The following NKAIN2 variants were observed in gnomAD, a reference collection of about 807,000 sequenced individuals.
The protein encoded by NKAIN2 is sodium/potassium-transporting ATPase subunit beta-1-interacting protein 2.
In NKAIN2, 14 loss-of-function variants were observed where a neutral mutation model predicts 32.6. The observed-to-expected ratio is 0.43, with a 90% CI of 0.28 to 0.67. The LOEUF (loss-of-function observed/expected upper bound fraction) is 0.67. NKAIN2 is among the 30% of genes least tolerant of loss of function. NKAIN2 has a pLI of 0.17. For missense variants in NKAIN2, 198 were observed against 258.3 expected, an observed-to-expected ratio of 0.77 and a Z score of 1.60; for synonymous variants, 80 against 87.2, an observed-to-expected ratio of 0.92 and a Z score of 0.46.
At chr6:123,916,059 G>A (rs1775477813) in intron 1 of NKAIN2, among the ~76,000 whole-genome samples, 1 of 152,120 alleles carries the variant, frequency 6.6e-6, no homozygotes, top group Non-Finnish European at 1.5e-5. Context: ...GGGGCAGAGA[G>A]TATGGATGAT....
At chr6:124,136,505 A>G (rs145683681) in intron 1 of NKAIN2, among the ~76,000 whole-genome samples, 164 of 152,256 alleles carry the variant, frequency 1.1e-3, no homozygotes, top group African/African-American at 3.8e-3. Context: ...AAATCACTCT[A>G]TGAAGCCAGT....
intron 4 of NKAIN2, among the ~76,000 whole-genome samples, chr6:124,668,833 A>G (rs1012209936): frequency 1.3e-5 from 2 of 152,178 alleles, no homozygotes; most frequent in Admixed American, 1.3e-4. Flanking sequence ...AAGCTTGATA[A>G]TAAAAATATA....
intron 4 of NKAIN2, among the ~76,000 whole-genome samples, chr6:124,715,937 A>C (rs1198836652): frequency 6.6e-6 from 1 of 152,212 alleles, no homozygotes; most frequent in Non-Finnish European, 1.5e-5. Context: ...TCACTCCAGA[A>C]TAAGAACAAT....
intron 1 of NKAIN2, among the ~76,000 whole-genome samples, chr6:124,192,120 C>T (rs1790052054): frequency 1.3e-5 from 2 of 152,012 alleles, no homozygotes; most frequent in African/African-American, 4.8e-5. Flanking sequence ...TGAATCATTT[C>T]TTTTTGCCTA....
intron 4 of NKAIN2, among the ~76,000 whole-genome samples, chr6:124,716,898 A>T (rs143973247): frequency 9.3e-4 from 142 of 152,320 alleles, no homozygotes; most frequent in African/African-American, 3.3e-3. Context: ...CCATGAGGGC[A>T]GGAAAATTGT....
intron 1 of NKAIN2, among the ~76,000 whole-genome samples, chr6:123,847,109 T>C (rs1775126546): frequency 6.6e-6 from 1 of 152,256 alleles, no homozygotes; most frequent in Non-Finnish European, 1.5e-5. Context: ...TCAGCCTGTG[T>C]CATCTGTCAA....
intron 4 of NKAIN2, among the ~76,000 whole-genome samples, chr6:124,705,317 A>G (rs1381263615): frequency 6.6e-6 from 1 of 152,138 alleles, no homozygotes; most frequent in African/African-American, 2.4e-5. Context: ...ATGACTTTTT[A>G]GTATGTTCAG....
intron 1 of NKAIN2, among the ~76,000 whole-genome samples, chr6:123,970,900 A>C (rs1778309635): frequency 6.6e-6 from 1 of 152,186 alleles, no homozygotes; most frequent in Non-Finnish European, 1.5e-5. Flanking sequence ...AAAGAAAAAA[A>C]GAAATATTTA....
chr6:124,481,817 A>G (rs1460598055), intron 3 of NKAIN2, among the ~76,000 whole-genome samples: 1 of 152,058 alleles, frequency 6.6e-6, no homozygotes, highest in African/African-American at 2.4e-5. Flanking sequence ...TCATGCATGC[A>G]TAACAGGGGT....
chr6:124,272,976 A>G (rs1441465723), intron 1 of NKAIN2, among the ~76,000 whole-genome samples: 4 of 152,158 alleles, frequency 2.6e-5, no homozygotes, highest in African/African-American at 9.7e-5. Context: ...CTGTTCCCCC[A>G]CTGTATCTTG....
At chr6:124,041,807 TA>T (rs1445001800) in intron 1 of NKAIN2, among the ~76,000 whole-genome samples, 1 of 152,122 alleles carries the variant, frequency 6.6e-6, no homozygotes, top group African/African-American at 2.4e-5. Flanking sequence ...GTAATGCTGT[TA>T]AAAATTATTT....
chr6:124,266,842 A>G (rs1330495465), intron 1 of NKAIN2, among the ~76,000 whole-genome samples: 2 of 152,222 alleles, frequency 1.3e-5, no homozygotes, highest in Non-Finnish European at 2.9e-5. Flanking sequence ...ACATGTAGAT[A>G]TATAGATGCA....
chr6:124,266,270 A>G lies in NKAIN2; in HGVS notation c.55-16735A>G, dbSNP rs529946541. Among the ~76,000 whole-genome samples the G allele has an allele frequency of 2.0e-5, 3 of 152,248 alleles. No homozygotes were observed. The East Asian group carries it at 5.8e-4, about 29-fold the overall frequency. ...GTCAAACTCTATATATGTGACTGAG[A>G]TATGGCTGGCTTCTCACATTATTTA... On this transcript the variant is annotated intron_variant, in intron 1 of 6. Transcript: ENST00000368417.
At chr6:124,358,944 T>G (rs1799131124) in intron 3 of NKAIN2, among the ~76,000 whole-genome samples, 1 of 151,318 alleles carries the variant, frequency 6.6e-6, no homozygotes, top group Non-Finnish European at 1.5e-5. Context: ...TGAATTAATT[T>G]TTGTATAAGG....
rs180857767 is a variant in NKAIN2 at position 124,412,623 on chromosome 6, G to A, written c.273+57276G>A. Among the ~76,000 whole-genome samples the A allele has an allele frequency of 6.3e-3, 960 of 152,258 alleles. 12 individuals are homozygous for A. Among genetic ancestry groups the A allele is most frequent in the African/African-American group, 0.022 (920 of 41,552 alleles). ...CCCAGTTAGGCTACTCAGGGGTCGGGGACCCACTTGAGGAGGCAGTCTGCC... is the reference window on the plus strand; with the variant it reads ...CCCAGTTAGGCTACTCAGGGGTCGGAGACCCACTTGAGGAGGCAGTCTGCC... On this transcript the variant is annotated intron_variant, in intron 3 of 6. Transcript: ENST00000368417.
intron 1 of NKAIN2, among the ~76,000 whole-genome samples, chr6:123,858,144 C>T (rs1775633874): frequency 1.3e-5 from 2 of 150,460 alleles, no homozygotes; most frequent in Middle Eastern, 3.5e-3. Flanking sequence ...GAGAGGGATA[C>T]TCGCTCTGTC....
chr6:124,727,653 C>T (rs1247542421), intron 4 of NKAIN2, among the ~76,000 whole-genome samples: 9 of 150,630 alleles, frequency 6.0e-5, no homozygotes, highest in South Asian at 2.1e-4. Flanking sequence ...CATCAACTAA[C>T]GAGCAAAATA....
At chr6:124,039,742 A>G (rs917721952) in intron 1 of NKAIN2, among the ~76,000 whole-genome samples, 2 of 151,884 alleles carry the variant, frequency 1.3e-5, no homozygotes, top group African/African-American at 2.4e-5. Flanking sequence ...TTTATTGTTT[A>G]TCTTAGGCTT....
chr6:124,095,307 T>G (rs1215784424), intron 1 of NKAIN2, among the ~76,000 whole-genome samples: 7 of 152,140 alleles, frequency 4.6e-5, no homozygotes, highest in Non-Finnish European at 8.8e-5. Context: ...GTTTCAAGCA[T>G]ATACTTGTGA....
Sources: gnomAD v4.1 joint callset for allele counts (sites outside exome capture counted in the v4.1 genomes callset) on GRCh38, gnomAD v4.1.1 for gene constraint, MANE v1.5 for transcripts, NCBI Gene and HGNC (gene_info 2026-07-23, HGNC 2026-07-21) for gene names.